The following NSG2 variants were observed in gnomAD, a reference collection of about 807,000 sequenced individuals.
NSG2 encodes the protein neuronal vesicle trafficking associated 2.
A neutral mutation model predicts 16.9 loss-of-function variants in NSG2; 4 were observed. The observed-to-expected ratio is 0.24, with a 90% CI of 0.12 to 0.54. The LOEUF is 0.54. Ranked by LOEUF, NSG2 falls within the 20% of genes least tolerant of loss-of-function variation. The pLI is 0.95. For missense variants in NSG2, 179 were observed against 221.1 expected (o/e 0.81, Z 1.21); for synonymous variants, 98 against 88.7 (o/e 1.11, Z -0.59).
chr5:174,081,188 C>T (rs1411821046), intron 3 of NSG2, among the ~76,000 whole-genome samples: 2 of 151,944 alleles, frequency 1.3e-5, no homozygotes, highest in African/African-American at 4.8e-5. Flanking sequence ...GTTCCATCTG[C>T]CTGTAATTCT....
At chr5:174,070,718 C>T (rs749983635) in intron 3 of NSG2, among the ~76,000 whole-genome samples, 3 of 152,212 alleles carry the variant, frequency 2.0e-5, no homozygotes, top group Non-Finnish European at 4.4e-5. Context: ...CCTTCCTGAT[C>T]CTCTAGCTGG....
chr5:174,103,819 C>T (rs1413645591), intron 3 of NSG2, among the ~76,000 whole-genome samples: 1 of 152,022 alleles, frequency 6.6e-6, no homozygotes, highest in Non-Finnish European at 1.5e-5. Flanking sequence ...CAAAAATTAG[C>T]CAGGTGTGGT....
intron 3 of NSG2, among the ~76,000 whole-genome samples, chr5:174,074,222 A>C (rs1399931931): frequency 6.6e-5 from 10 of 152,248 alleles, no homozygotes; most frequent in Non-Finnish European, 1.0e-4. Context: ...CCCAATCTGC[A>C]AAATGGGTGG....
intron 3 of NSG2, among the ~76,000 whole-genome samples, chr5:174,064,644 G>A (rs1760110760): frequency 6.6e-6 from 1 of 152,020 alleles, no homozygotes; most frequent in Admixed American, 6.6e-5. Flanking sequence ...TGGAAATGCA[G>A]TAAGTGACTC....
intron 3 of NSG2, among the ~76,000 whole-genome samples, chr5:174,074,447 G>C (rs1421711867): frequency 6.6e-6 from 1 of 152,096 alleles, no homozygotes; most frequent in African/African-American, 2.4e-5. Context: ...TCCATCCCAG[G>C]TGACGCTGCC....
At chr5:174,054,699 A>T (rs1759940275) in intron 2 of NSG2, among the ~76,000 whole-genome samples, 1 of 152,222 alleles carries the variant, frequency 6.6e-6, no homozygotes, top group African/African-American at 2.4e-5. Context: ...TATTAAAAAA[A>T]AATCACCCCC....
intron 3 of NSG2, among the ~76,000 whole-genome samples, chr5:174,075,308 G>A (rs901163158): frequency 1.3e-5 from 2 of 152,062 alleles, no homozygotes; most frequent in Non-Finnish European, 2.9e-5. Flanking sequence ...GACCCAGAGC[G>A]GTATGTGCAC....
At chr5:174,057,154 G>A (rs1018693936) in intron 2 of NSG2, among the ~76,000 whole-genome samples, 7 of 152,160 alleles carry the variant, frequency 4.6e-5, no homozygotes, top group Non-Finnish European at 1.0e-4. Context: ...CCACTTTTAA[G>A]AATAAAAAGA....
In NSG2 at chr5:174,099,208, C is replaced by T. The variant is rs578233912; in HGVS notation, c.214-5020C>T. Among the ~76,000 whole-genome samples the T allele has an allele frequency of 8.8e-4, 134 of 152,266 alleles. 1 individual carries two copies. The highest frequency in any genetic ancestry group is 1.6e-3 in the Non-Finnish European group (108 of 68,016). On this transcript the variant is annotated intron_variant, in intron 3 of 4. Transcript: ENST00000303177. ...ACTGAAACCTGCCTGTAGGAAATCT[C>T]GCCCTGGAACCAAACCAGGACTCTC...
Position 174,046,834 on chromosome 5 carries a change from C to T in NSG2, c.79C>T (p.Leu27Phe), listed in dbSNP as rs375337949. 1.3e-4 allele frequency: 204 copies of T among 1,614,038 alleles called. No individual in the cohort carries two copies. Among genetic ancestry groups the T allele is most frequent in the Non-Finnish European group, 1.7e-4 (197 of 1,180,038 alleles). Residue 27 changes from leucine (L) to phenylalanine (F), a missense_variant, in exon 2 of 5, where the codon CTC becomes TTC. By Grantham distance (22) the Leu-to-Phe change is conservative. Coordinates refer to ENST00000303177, the MANE Select transcript of NSG2 (RefSeq NM_015980.5). Reference sequence around the variant, plus strand: ...TGAGGATGGCTTCCAGACCGTCCCTCTCATCACTCCCTTGGAGGTTAATCA... The same window carrying T: ...TGAGGATGGCTTCCAGACCGTCCCTTTCATCACTCCCTTGGAGGTTAATCA... ...SVEDGFQTVP[L>F]ITPLEVNHLQ...
chr5:174,107,345 CT>C lies in NSG2; in HGVS notation c.358del (p.Tyr120ThrfsTer137). The C allele has an allele frequency of 6.3e-7, 1 of 1,587,244 alleles. No individual in the cohort carries two copies. ...CGCTGTATCCCAGCCTCCCTGGATG[CT>C]TACTACTCCTCCCAGGACCCCAATT... ...HKRCIPASLD[A>X]YYSSQDPNSR... On this transcript the variant is annotated frameshift_variant, in exon 5 of 5. Transcript: ENST00000303177. LOFTEE classifies it high-confidence loss of function. This position sits in a 1 kb window ranked among gnomAD's most constrained non-coding sequence, Gnocchi z 4.5.
intron 3 of NSG2, among the ~76,000 whole-genome samples, chr5:174,085,712 G>A (rs1760599904): frequency 6.6e-6 from 1 of 152,170 alleles, no homozygotes; most frequent in South Asian, 2.1e-4. Context: ...TTCTTGTTTG[G>A]ATCATTTTTC....
chr5:174,075,266 C>T (rs1402090626), intron 3 of NSG2, among the ~76,000 whole-genome samples: 1 of 152,064 alleles, frequency 6.6e-6, no homozygotes, highest in African/African-American at 2.4e-5. Flanking sequence ...CGGGGTCATA[C>T]AGCCAATAAG....
intron 2 of NSG2, among the ~76,000 whole-genome samples, chr5:174,059,948 T>C (rs979218173): frequency 2.6e-5 from 4 of 152,176 alleles, no homozygotes; most frequent in African/African-American, 9.7e-5. Context: ...GTCAATCAAA[T>C]TGTGTGATCA....
intron 2 of NSG2, 89 bp from the exon 3 acceptor site, chr5:174,064,143 C>G (rs1172063364): frequency 4.8e-6 from 4 of 836,608 alleles, no homozygotes. Context: ...ATCTTTATGT[C>G]ATGTGTAATA....
chr5:174,093,091 CTGAG>C (rs776670462), intron 3 of NSG2, among the ~76,000 whole-genome samples: 19 of 152,176 alleles, frequency 1.2e-4, no homozygotes, highest in Non-Finnish European at 2.1e-4. Flanking sequence ...AGCTGGGCTT[CTGAG>C]TGAGACAGGT....
chr5:174,046,570 A>G, intron 1 of NSG2, 164 bp from the exon 2 acceptor site: 3 of 601,166 alleles, frequency 5.0e-6, no homozygotes, highest in Non-Finnish European at 8.6e-6. Flanking sequence ...GTTTTGTTGG[A>G]CAATGGGAAT....
chr5:174,096,679 A>G (rs1368911953), intron 3 of NSG2, among the ~76,000 whole-genome samples: 3 of 151,186 alleles, frequency 2.0e-5, no homozygotes, highest in Non-Finnish European at 4.4e-5. Context: ...CACCCAGGGG[A>G]GAGGTGATGG....
intron 3 of NSG2, chr5:174,066,103 T>C (rs749869210): frequency 4.6e-5 from 20 of 431,630 alleles, no homozygotes; most frequent in Non-Finnish European, 6.6e-5. Flanking sequence ...AGGGGAGGAG[T>C]GTGGTCCCTC....
Sources: allele counts gnomAD v4.1 joint callset (sites outside exome capture counted in the v4.1 genomes callset), GRCh38; gene constraint gnomAD v4.1.1; non-coding constraint Gnocchi (gnomAD v3.1); transcripts MANE v1.5; gene names NCBI Gene and HGNC (gene_info 2026-07-23, HGNC 2026-07-21).